DHX57: variants seen among roughly 807,000 people sequenced by gnomAD.
DHX57 encodes putative ATP-dependent RNA helicase DHX57.
A neutral mutation model predicts 156.2 loss-of-function variants in DHX57; 105 were observed. The observed-to-expected ratio is 0.67, with a 90% CI of 0.57 to 0.79. The LOEUF (loss-of-function observed/expected upper bound fraction) is 0.79, where lower values mean the gene tolerates loss of function less well. Among genes scored for constraint, DHX57 ranks in the 30% least tolerant of loss-of-function variants. The pLI, the probability that DHX57 is intolerant of heterozygous loss-of-function variation, is 0.00. For missense variants in DHX57, 1,847 were observed against 1,661.9 expected (o/e 1.11, Z -1.94); for synonymous variants, 704 against 595.6 (o/e 1.18, Z -2.65).
intron 12 of DHX57, among the ~76,000 whole-genome samples, chr2:38,840,823 G>C (rs770247699): frequency 5.3e-5 from 8 of 152,102 alleles, no homozygotes; most frequent in Non-Finnish European, 7.4e-5. Flanking sequence ...AGAAGCCAAA[G>C]GGATTTTCTT....
At chr2:38,822,440 G>T (rs1442159454) in intron 17 of DHX57, among the ~76,000 whole-genome samples, 1 of 151,618 alleles carries the variant, frequency 6.6e-6, no homozygotes, top group Non-Finnish European at 1.5e-5. Flanking sequence ...TCTGTCGCCA[G>T]GCTGGAATGT....
intron 21 of DHX57, among the ~76,000 whole-genome samples, chr2:38,807,054 G>C (rs984652275): frequency 6.7e-6 from 1 of 149,184 alleles, no homozygotes; most frequent in African/African-American, 2.5e-5. Flanking sequence ...CACATTTCTT[G>C]TTTTGTTTTG....
chr2:38,816,461 C>T (rs1425478325), intron 19 of DHX57, among the ~76,000 whole-genome samples: 1 of 151,974 alleles, frequency 6.6e-6, no homozygotes. Flanking sequence ...GGTGATCCGC[C>T]CACCTTGGCC....
chr2:38,872,144 T>A (rs1665386907), intron 1 of DHX57, among the ~76,000 whole-genome samples: 1 of 152,218 alleles, frequency 6.6e-6, no homozygotes. Flanking sequence ...AAATTAAATG[T>A]CTAATACATG....
chr2:38,824,120 G>C (rs141341296), intron 16 of DHX57, among the ~76,000 whole-genome samples: 109 of 152,200 alleles, frequency 7.2e-4, no homozygotes, highest in African/African-American at 2.3e-3. Flanking sequence ...GTTCATTACA[G>C]ATGAGTGGAT....
chr2:38,862,460 T>C, intron 3 of DHX57, 127 bp from the exon 4 acceptor site: 1 of 879,318 alleles, frequency 1.1e-6, no homozygotes, highest in Non-Finnish European at 1.6e-6. Context: ...TTTAATCTTA[T>C]ATTGAACTAT....
intron 21 of DHX57, chr2:38,810,875 T>G (rs1326004747): frequency 2.7e-6 from 2 of 749,662 alleles, no homozygotes; most frequent in East Asian, 2.7e-5. Flanking sequence ...TTCTCCACGA[T>G]GTCAATATGG....
At chr2:38,799,489 C>T (rs1669565702) in intron 23 of DHX57, among the ~76,000 whole-genome samples, 2 of 146,584 alleles carry the variant, frequency 1.4e-5, no homozygotes, top group Admixed American at 6.9e-5. Context: ...GGGTGGCTCA[C>T]GCTTGTAATT....
At chr2:38,852,195 T>TC (rs1439966858) in intron 9 of DHX57, among the ~76,000 whole-genome samples, 12 of 151,762 alleles carry the variant, frequency 7.9e-5, no homozygotes, top group African/African-American at 2.9e-4. Flanking sequence ...TCAATTCCTT[T>TC]TTTTTTTTTC....
At chr2:38,836,961 T>C (rs1315606067) in intron 13 of DHX57, among the ~76,000 whole-genome samples, 1 of 151,910 alleles carries the variant, frequency 6.6e-6, no homozygotes, top group Admixed American at 6.6e-5. Flanking sequence ...AAGGCAATCC[T>C]CCCACTCCAA....
intron 17 of DHX57, among the ~76,000 whole-genome samples, chr2:38,820,868 T>A (rs1271480112): frequency 6.7e-6 from 1 of 149,382 alleles, no homozygotes; most frequent in Non-Finnish European, 1.5e-5. Context: ...AGATTTTTTT[T>A]AATGAAGGAA....
chr2:38,859,357 G>T (rs556726726), intron 5 of DHX57, among the ~76,000 whole-genome samples: 1 of 152,268 alleles, frequency 6.6e-6, no homozygotes, highest in African/African-American at 2.4e-5. Context: ...CAGATTTGTG[G>T]TTATGAGGGG....
intron 8 of DHX57, chr2:38,854,592 G>C (rs6732083): frequency 0.61 from 85,562 of 139,162 alleles, 25,558 homozygotes; most frequent in East Asian, 0.82. Context: ...ACAGAATTTT[G>C]CTCTTTTTGC....
At chr2:38,836,730 T>C (rs1234782181) in intron 13 of DHX57, among the ~76,000 whole-genome samples, 1 of 138,628 alleles carries the variant, frequency 7.2e-6, no homozygotes, top group African/African-American at 2.8e-5. Flanking sequence ...GCTGACATCA[T>C]GCCACTGCAC....
intron 23 of DHX57, among the ~76,000 whole-genome samples, chr2:38,799,697 C>T (rs1383191479): frequency 1.4e-5 from 2 of 146,924 alleles, no homozygotes; most frequent in African/African-American, 2.5e-5. Context: ...TTGTGGTGAG[C>T]CGAGATCGCG....
rs1558345726 is a variant in DHX57, at chr2:38,798,346, C to G, written c.4114G>C (p.Gly1372Arg). Residue 1372 changes from glycine (G) to arginine (R), a missense_variant, in exon 24 of 24, where the codon GGA (glycine) becomes CGA (arginine). Coordinates refer to ENST00000457308, the MANE Select transcript of DHX57 (RefSeq NM_198963.3). Reference sequence around the variant, plus strand: ...ACAATTGTGCTGATGATCCGGGATCCTCGAGGACACGTACACAGATCAATG... The same window carrying G: ...ACAATTGTGCTGATGATCCGGGATCGTCGAGGACACGTACACAGATCAATG... ...PSIDLCTCPR[G>R]SRIISTIVKL... 18 of 1,613,802 alleles carry G rather than the reference C, an allele frequency of 1.1e-5. No individual in the cohort carries two copies. Among genetic ancestry groups the G allele is most frequent in the Middle Eastern group, 1.6e-4 (1 of 6,082 alleles).
intron 13 of DHX57, among the ~76,000 whole-genome samples, chr2:38,830,168 G>A (rs181554177): frequency 7.2e-5 from 11 of 152,236 alleles, no homozygotes; most frequent in Admixed American, 5.9e-4. Flanking sequence ...CTATTATTCA[G>A]TCATAGTTAT....
At chr2:38,869,634 C>T (rs183287213) in intron 1 of DHX57, among the ~76,000 whole-genome samples, 5 of 152,284 alleles carry the variant, frequency 3.3e-5, no homozygotes, top group Admixed American at 6.5e-5. Flanking sequence ...GGCTTAAAAT[C>T]GTAGGAGGGA....
intron 2 of DHX57, chr2:38,867,360 CT>C (rs1308235447): frequency 6.6e-6 from 1 of 152,198 alleles, no homozygotes; most frequent in Non-Finnish European, 1.5e-5. Context: ...AAAACATTTA[CT>C]TTTATTAAAT....
Sources: gnomAD v4.1 joint callset for allele counts (sites outside exome capture counted in the v4.1 genomes callset) on GRCh38, gnomAD v4.1.1 for gene constraint, MANE v1.5 for transcripts, NCBI Gene and HGNC (gene_info 2026-07-23, HGNC 2026-07-21) for gene names.